Variants in RAD51B observed in about 807,000 individuals in gnomAD.
RAD51B encodes the protein DNA repair protein RAD51 homolog 2.
In RAD51B, 38 loss-of-function variants were observed where a neutral mutation model predicts 42.2. The observed-to-expected ratio is 0.90, with a 90% CI of 0.70 to 1.18. The LOEUF is 1.18. RAD51B is among the 50% of genes most tolerant of loss of function. The probability of loss-of-function intolerance (pLI) is 0.00; values close to 1 mark genes in which losing one functional copy is unlikely to be tolerated. For missense variants in RAD51B, 373 were observed against 400.7 expected (o/e 0.93, Z 0.59); for synonymous variants, 154 against 145.2 (o/e 1.06, Z -0.43).
At chr14:68,531,811 C>T (rs118083634) in intron 10 of RAD51B, among the ~76,000 whole-genome samples, 161 of 152,142 alleles carry the variant, frequency 1.1e-3, no homozygotes, top group Non-Finnish European at 1.8e-3. Context: ...CCAGCCTAGA[C>T]GAGATAGGAA....
chr14:68,198,029 C>T (rs1247070616), intron 7 of RAD51B, among the ~76,000 whole-genome samples: 3 of 152,122 alleles, frequency 2.0e-5, no homozygotes, highest in Non-Finnish European at 4.4e-5. Context: ...TTGTCAACCT[C>T]ATGGTTGCAG....
At chr14:68,097,258 A>G (rs1439249256) in intron 7 of RAD51B, among the ~76,000 whole-genome samples, 2 of 152,152 alleles carry the variant, frequency 1.3e-5, no homozygotes, top group African/African-American at 2.4e-5. Context: ...ATTTTTATTA[A>G]AACATTTGCC....
intron 11 of RAD51B, among the ~76,000 whole-genome samples, chr14:68,671,719 C>T (rs1893162682): frequency 6.6e-6 from 1 of 152,046 alleles, no homozygotes; most frequent in Non-Finnish European, 1.5e-5. Context: ...TGTGTGTCCC[C>T]TAACCTTGTC....
intron 10 of RAD51B, among the ~76,000 whole-genome samples, chr14:68,534,439 T>C (rs1261100254): frequency 1.3e-5 from 2 of 152,064 alleles, no homozygotes; most frequent in African/African-American, 4.8e-5. Flanking sequence ...ATAGCTGTGG[T>C]TTTTAAAGGA....
At chr14:68,331,109 A>G (rs899321474) in intron 8 of RAD51B, among the ~76,000 whole-genome samples, 1 of 152,110 alleles carries the variant, frequency 6.6e-6, no homozygotes, top group African/African-American at 2.4e-5. Flanking sequence ...CACGCCTGTA[A>G]TCCCAGCACT....
chr14:68,595,478 G>A, exon 11 of RAD51B: 1 of 1,066,676 alleles, frequency 9.4e-7, no homozygotes, highest in Non-Finnish European at 1.1e-6. Flanking sequence ...GCCACTCCTA[G>A]CTTGAGTAGA....
At chr14:68,341,751 G>C (rs1053273011) in intron 8 of RAD51B, among the ~76,000 whole-genome samples, 5 of 152,144 alleles carry the variant, frequency 3.3e-5, no homozygotes, top group Admixed American at 6.5e-5. Context: ...TTCAAAAAGA[G>C]TCCTATTGGC....
intron 8 of RAD51B, among the ~76,000 whole-genome samples, chr14:68,399,524 C>T (rs1253917494): frequency 2.0e-5 from 3 of 152,028 alleles, no homozygotes; most frequent in Non-Finnish European, 2.9e-5. Context: ...CCCAAAGTGC[C>T]GGGATTACAG....
At chr14:67,951,155 G>A (rs1169924153) in intron 7 of RAD51B, among the ~76,000 whole-genome samples, 1 of 152,206 alleles carries the variant, frequency 6.6e-6, no homozygotes, top group African/African-American at 2.4e-5. Context: ...TCATAGACTT[G>A]CTCAGTGCAT....
intron 7 of RAD51B, among the ~76,000 whole-genome samples, chr14:68,151,549 G>A (rs1292350814): frequency 6.6e-6 from 1 of 151,810 alleles, no homozygotes; most frequent in African/African-American, 2.4e-5. Flanking sequence ...CATATATAAA[G>A]CTAACTGAAA....
intron 4 of RAD51B, chr14:67,864,771 T>G: frequency 1.4e-6 from 1 of 690,384 alleles, no homozygotes; most frequent in Non-Finnish European, 2.5e-6. Context: ...AGTGACTATT[T>G]TCTCAATTCC....
chr14:68,562,199 C>G, intron 10 of RAD51B: 2 of 985,358 alleles, frequency 2.0e-6, no homozygotes, highest in Non-Finnish European at 2.4e-6. Flanking sequence ...TCCAAGTGAC[C>G]CTGCCTCACC....
At chr14:67,893,587 C>T (rs1375639706) in intron 7 of RAD51B, among the ~76,000 whole-genome samples, 1 of 151,714 alleles carries the variant, frequency 6.6e-6, no homozygotes, top group Non-Finnish European at 1.5e-5. Context: ...GGGAGGATGG[C>T]TTGAACCCAG....
intron 7 of RAD51B, among the ~76,000 whole-genome samples, chr14:68,119,462 AC>A (rs1467349738): frequency 2.2e-5 from 1 of 44,962 alleles, no homozygotes; most frequent in Non-Finnish European, 4.2e-5. Context: ...AAGCTATCCC[AC>A]CCCCCTCCCC....
intron 7 of RAD51B, among the ~76,000 whole-genome samples, chr14:68,241,963 C>T (rs570409714): frequency 9.8e-5 from 15 of 152,304 alleles, no homozygotes; most frequent in Non-Finnish European, 2.1e-4. Flanking sequence ...CTCCAGACTT[C>T]CCCTGCTTAT....
intron 7 of RAD51B, among the ~76,000 whole-genome samples, chr14:67,992,111 A>G (rs1182257537): frequency 1.3e-5 from 2 of 152,230 alleles, no homozygotes; most frequent in Admixed American, 6.5e-5. Flanking sequence ...GCTTTATTCT[A>G]TGCATCGGAC....
intron 7 of RAD51B, among the ~76,000 whole-genome samples, chr14:68,075,464 C>G (rs568390582): frequency 6.6e-6 from 1 of 152,124 alleles, no homozygotes; most frequent in East Asian, 1.9e-4. Flanking sequence ...CAGAACCAAG[C>G]CAAGGGCTCT....
chr14:68,504,251 T>G (rs1885123921), intron 10 of RAD51B, among the ~76,000 whole-genome samples: 1 of 152,126 alleles, frequency 6.6e-6, no homozygotes, highest in African/African-American at 2.4e-5. Context: ...AACCAAGGAC[T>G]TCATTGACAT....
Position 68,477,777 on chromosome 14 carries a change from G to C in RAD51B, c.*113G>C. 1.9e-6 allele frequency: 3 copies of C among 1,548,784 alleles called. No individual in the cohort carries two copies. The highest frequency in any genetic ancestry group is 2.6e-6 in the Non-Finnish European group (3 of 1,152,744). ...CTGACATAATGGGGATTAATTAGTT[G>C]ATTGCTGTTGAGATGGTAACAGATT... On this transcript the variant is annotated 3_prime_UTR_variant, in exon 11 of 11. Transcript: ENST00000471583.
Sources: gnomAD v4.1 joint callset for allele counts (sites outside exome capture counted in the v4.1 genomes callset) on GRCh38, gnomAD v4.1.1 for gene constraint, MANE v1.5 for transcripts, NCBI Gene and HGNC (gene_info 2026-07-23, HGNC 2026-07-21) for gene names.